Variants in IGSF10 observed in about 807,000 individuals in gnomAD.
IGSF10 encodes immunoglobulin superfamily member 10.
In IGSF10, 126 loss-of-function variants were observed where a neutral mutation model predicts 128.2. That is an observed-to-expected ratio of 0.98 (90% CI 0.85 to 1.14). The LOEUF is 1.14. Among genes scored for constraint, IGSF10 ranks in the 50% most tolerant of loss-of-function variants. The pLI is 0.00. For synonymous variants in IGSF10, 1,185 were observed against 1,146.2 expected, an observed-to-expected ratio of 1.03 and a Z score of -0.68; for missense variants, 3,295 against 3,149.8, an observed-to-expected ratio of 1.05 and a Z score of -1.10.
At chr3:151,539,262 T>C in the IGSF10 span, among the ~76,000 whole-genome samples, 1 of 152,136 alleles carries the variant, frequency 6.6e-6, no homozygotes, top group Non-Finnish European at 1.5e-5. Flanking sequence ...GGAGGCTTGC[T>C]CTGTAACCCG....
chr3:151,507,905 T>G, the IGSF10 span, among the ~76,000 whole-genome samples: 1 of 140,854 alleles, frequency 7.1e-6, no homozygotes, highest in East Asian at 2.1e-4. Flanking sequence ...CAATAAATAA[T>G]TGACAATAAA....
downstream of IGSF10, chr3:151,433,179 T>TG (rs201873673): frequency 0.13 from 20,419 of 160,408 alleles, 1,708 homozygotes; most frequent in East Asian, 0.39. Context: ...ATGACGTTGT[T>TG]TTTTTTTTTT....
chr3:151,448,425 G>T lies in IGSF10; in HGVS notation c.1556C>A (p.Ala519Asp). The change falls in exon 6 of 8, where the codon GCC (alanine) becomes GAC (aspartate). Residue 519 changes from alanine to aspartate, a missense_variant. Ala to Asp is a moderately radical substitution (Grantham distance 126). Coordinates refer to ENST00000282466, the MANE Select transcript of IGSF10 (RefSeq NM_178822.5). The part of the protein sequence containing the change: ...WLLADGSKVR[A>D]PYVSEDGRIL... Reference sequence around the variant, plus strand: ...CCGTCCATCCTCACTGACATAAGGGGCTCTCACTTTACTTCCATCAGCTAG... The same window carrying T: ...CCGTCCATCCTCACTGACATAAGGGTCTCTCACTTTACTTCCATCAGCTAG... The T allele has an allele frequency of 6.2e-7, 1 of 1,614,190 alleles. No homozygotes were observed. Among genetic ancestry groups the T allele is most frequent in the Non-Finnish European group, 8.5e-7 (1 of 1,180,032 alleles).
At chr3:151,496,933 T>C in the IGSF10 span, among the ~76,000 whole-genome samples, 20 of 152,206 alleles carry the variant, frequency 1.3e-4, no homozygotes, top group Non-Finnish European at 2.2e-4. Context: ...TGGCCAGTGA[T>C]GATGAGCATT....
chr3:151,584,655 T>C, the IGSF10 span, among the ~76,000 whole-genome samples: 1 of 152,190 alleles, frequency 6.6e-6, no homozygotes, highest in Non-Finnish European at 1.5e-5. Context: ...AGCTAAGATG[T>C]GGTCCCAGGT....
In IGSF10 at chr3:151,446,445, G is replaced by A. The variant is rs781278592; in HGVS notation, c.3536C>T (p.Ser1179Leu). 38 of 1,613,874 alleles carry A rather than the reference G, an allele frequency of 2.4e-5. No homozygotes were observed. The highest frequency in any genetic ancestry group is 6.7e-5 in the Admixed American group (4 of 59,994). The stretch of plus-strand genomic sequence containing the variant: ...CTTGGTGATAGCACCTGAAAGTGAC[G>A]ATGTAATCACTGAATCTCTTTTAGC... Reference protein sequence around the residue: ...NEAKRDSVITSSLSGAITKPP... With the variant: ...NEAKRDSVITLSLSGAITKPP... Residue 1179 changes from serine to leucine, a missense_variant, in exon 6 of 8, where the codon TCG becomes TTG. Ser to Leu is a moderately radical substitution (Grantham distance 145). Transcript: ENST00000282466.
chr3:151,551,130 G>A, the IGSF10 span, among the ~76,000 whole-genome samples: 4 of 152,294 alleles, frequency 2.6e-5, no homozygotes, highest in East Asian at 7.7e-4. Flanking sequence ...GCAACCAGAG[G>A]TGAAGAGTGG....
the IGSF10 span, among the ~76,000 whole-genome samples, chr3:151,487,361 T>A: frequency 2.0e-5 from 3 of 151,936 alleles, no homozygotes; most frequent in African/African-American, 4.8e-5. Flanking sequence ...CCAAAAAAAG[T>A]CCAAGACCAG....
chr3:151,577,126 C>G, the IGSF10 span, among the ~76,000 whole-genome samples: 1 of 152,138 alleles, frequency 6.6e-6, no homozygotes, highest in Non-Finnish European at 1.5e-5. Flanking sequence ...TATGTATATA[C>G]AAGCATATTT....
At chr3:151,572,961 T>C in the IGSF10 span, among the ~76,000 whole-genome samples, 4 of 152,202 alleles carry the variant, frequency 2.6e-5, no homozygotes, top group Non-Finnish European at 5.9e-5. Context: ...AAACATCTTT[T>C]TTTCTGTCTT....
At chr3:151,613,878 A>G in the IGSF10 span, among the ~76,000 whole-genome samples, 11 of 152,152 alleles carry the variant, frequency 7.2e-5, 1 homozygote, top group South Asian at 2.3e-3. Flanking sequence ...TACCATCAGA[A>G]TGAACAGGCA....
At chr3:151,553,758 C>T in the IGSF10 span, among the ~76,000 whole-genome samples, 1 of 151,664 alleles carries the variant, frequency 6.6e-6, no homozygotes, top group East Asian at 1.9e-4. Context: ...TCAAGTTTTT[C>T]AAAAGTCTCC....
the IGSF10 span, among the ~76,000 whole-genome samples, chr3:151,567,764 C>A: frequency 1.3e-5 from 2 of 152,162 alleles, no homozygotes; most frequent in African/African-American, 4.8e-5. Context: ...TTCAACAAGA[C>A]AATTCTAAAC....
the IGSF10 span, among the ~76,000 whole-genome samples, chr3:151,592,690 A>G: frequency 6.6e-6 from 1 of 152,196 alleles, no homozygotes; most frequent in African/African-American, 2.4e-5. Context: ...AAAACCTTGA[A>G]TTATTGATAT....
the IGSF10 span, among the ~76,000 whole-genome samples, chr3:151,561,628 A>G: frequency 1.3e-5 from 2 of 152,222 alleles, no homozygotes; most frequent in Non-Finnish European, 2.9e-5. Flanking sequence ...AACAAGATGC[A>G]TATGTACTGA....
chr3:151,573,462 G>T, the IGSF10 span, among the ~76,000 whole-genome samples: 2 of 152,170 alleles, frequency 1.3e-5, no homozygotes, highest in African/African-American at 4.8e-5. Context: ...TTGTTGAATT[G>T]ATCCCTTTAC....
the IGSF10 span, among the ~76,000 whole-genome samples, chr3:151,484,789 C>T: frequency 1.3e-5 from 2 of 150,378 alleles, no homozygotes; most frequent in East Asian, 3.9e-4. Context: ...TCGGAGACCA[C>T]ATCCAAAGGT....
chr3:151,443,421 A>AGGT lies in IGSF10; in HGVS notation c.5523_5525dup (p.Pro1842dup). 6.2e-7 allele frequency: 1 copy of AGGT among 1,614,248 alleles called. No individual in the cohort carries two copies. Among genetic ancestry groups the AGGT allele is most frequent in the East Asian group, 2.2e-5 (1 of 44,884 alleles). On this transcript the variant is annotated inframe_insertion, in exon 7 of 8. Transcript: ENST00000282466. Reference sequence around the variant, plus strand: ...CTTGCCTCCTTTGCTCTAGAATAACAGGTGGTGCTGCAATGACTTGTATTT... The same window carrying AGGT: ...CTTGCCTCCTTTGCTCTAGAATAACAGGTGGTGGTGCTGCAATGACTTGTATTT...
the IGSF10 span, among the ~76,000 whole-genome samples, chr3:151,534,689 G>C: frequency 6.6e-6 from 1 of 152,068 alleles, no homozygotes; most frequent in East Asian, 1.9e-4. Context: ...AGCATTAGGA[G>C]AGATTCCCAA....
Sources: gnomAD v4.1 joint callset for allele counts (sites outside exome capture counted in the v4.1 genomes callset) on GRCh38, gnomAD v4.1.1 for gene constraint, MANE v1.5 for transcripts, NCBI Gene and HGNC (gene_info 2026-07-23, HGNC 2026-07-21) for gene names.